The following SCML2 variants were observed in gnomAD, a reference collection of about 807,000 sequenced individuals.
SCML2 encodes the protein Scm polycomb group protein like 2, also known as sex comb on midleg-like protein 2.
SCML2 carries 6 observed loss-of-function variants against 48.4 expected under a neutral mutation model. The observed-to-expected ratio is 0.12, with a 90% CI of 0.07 to 0.24. The LOEUF is 0.24. Ranked by LOEUF, SCML2 falls within the 10% of genes least tolerant of loss-of-function variation. The pLI is 1.00. For synonymous variants in SCML2, 181 were observed against 189.5 expected (o/e 0.95, Z 0.37); for missense variants, 377 against 528.2 (o/e 0.71, Z 2.81).
chrX:18,299,273 G>A (rs780898912), intron 7 of SCML2, among the ~76,000 whole-genome samples: 9 of 111,447 alleles, frequency 8.1e-5, no homozygotes, highest in African/African-American at 2.9e-4. Context: ...CAGCACTTTG[G>A]GAGGCCAAGG....
chrX:18,350,175 G>A (rs1930327956), intron 1 of SCML2, among the ~76,000 whole-genome samples: 1 of 110,236 alleles, frequency 9.1e-6, no homozygotes, highest in South Asian at 3.8e-4. Flanking sequence ...AGCTACTCAG[G>A]GGCTGAGGCA....
intron 8 of SCML2, among the ~76,000 whole-genome samples, chrX:18,262,784 C>T (rs1569141504): frequency 9.2e-6 from 1 of 109,054 alleles, no homozygotes; most frequent in Non-Finnish European, 1.9e-5. Flanking sequence ...ACCATCTCAG[C>T]TCACTGCAAC....
At chrX:18,261,891 C>A (rs1013144480) in intron 8 of SCML2, among the ~76,000 whole-genome samples, 2 of 109,344 alleles carry the variant, frequency 1.8e-5, no homozygotes, top group Non-Finnish European at 3.8e-5. Flanking sequence ...TCATCTGCTA[C>A]CATTTATATT....
At chrX:18,336,167 G>A (rs192096316) in intron 1 of SCML2, among the ~76,000 whole-genome samples, 74 of 111,820 alleles carry the variant, frequency 6.6e-4, no homozygotes, top group Admixed American at 1.2e-3. Flanking sequence ...TCCCATTGGC[G>A]GGCATGGTGG....
intron 7 of SCML2, among the ~76,000 whole-genome samples, chrX:18,271,669 G>A (rs1371065773): frequency 3.9e-5 from 4 of 103,311 alleles, no homozygotes; most frequent in African/African-American, 1.4e-4. Context: ...CCACCCCCCT[G>A]CCCAGTGGAT....
At chrX:18,280,976 T>G (rs991993522) in intron 7 of SCML2, among the ~76,000 whole-genome samples, 1 of 112,722 alleles carries the variant, frequency 8.9e-6, no homozygotes, top group Non-Finnish European at 1.9e-5. Flanking sequence ...ATTCTAGACT[T>G]AAACTCAACA....
chrX:18,327,456 T>C (rs1929518998), intron 3 of SCML2, among the ~76,000 whole-genome samples: 1 of 111,560 alleles, frequency 9.0e-6, no homozygotes, highest in Non-Finnish European at 1.9e-5. Context: ...TGGAGGAAAA[T>C]AGTGTAAGTC....
In SCML2 at chrX:18,305,010, C is replaced by T. The variant is rs775925712; in HGVS notation, c.692G>A (p.Arg231His). 7 of 1,208,492 alleles carry T rather than the reference C, an allele frequency of 5.8e-6. No individual in the cohort carries two copies. The highest frequency in any genetic ancestry group is 3.5e-5 in the African/African-American group (2 of 57,033). The change falls in exon 7 of 15, where the codon CGC becomes CAC. Residue 231 changes from arginine to histidine, a missense_variant. This residue lies in a region of SCML2 where 299 missense variants were observed against 425.5 expected (regional missense o/e 0.70). Transcript: ENST00000251900. The part of the protein sequence containing the change: ...SRDIFPAGWC[R>H]LTGDVLQPPG... ...GGGTTGTAATACATCTCCTGTCAGG[C>T]GACACCACCCAGCTGGGAAAATATC... is the stretch of plus-strand genomic sequence containing the variant.
At chrX:18,335,976 G>A (rs1456984851) in intron 1 of SCML2, among the ~76,000 whole-genome samples, 2 of 111,780 alleles carry the variant, frequency 1.8e-5, no homozygotes, top group Non-Finnish European at 3.8e-5. Context: ...CTTATTTCAA[G>A]ACATAGTATA....
chrX:18,275,913 G>T (rs903120017), intron 7 of SCML2, among the ~76,000 whole-genome samples: 3 of 112,519 alleles, frequency 2.7e-5, no homozygotes, highest in African/African-American at 9.7e-5. Flanking sequence ...TAATAAAAAA[G>T]ATGACAAATA....
intron 7 of SCML2, among the ~76,000 whole-genome samples, chrX:18,285,118 A>G (rs1279368496): frequency 9.0e-6 from 1 of 111,223 alleles, no homozygotes; most frequent in East Asian, 2.8e-4. Flanking sequence ...GGGGACATAA[A>G]TTAGTTCAGC....
intron 7 of SCML2, among the ~76,000 whole-genome samples, chrX:18,300,146 T>A (rs1928536910): frequency 9.0e-6 from 1 of 111,154 alleles, no homozygotes; most frequent in Non-Finnish European, 1.9e-5. Context: ...ACGCTTGTAA[T>A]CCCAGCACTT....
In SCML2 at chrX:18,299,734, CT is replaced by C. The variant is rs145767290; in HGVS notation, c.730+5237del. On this transcript the variant is annotated intron_variant, in intron 7 of 14. Coordinates refer to ENST00000251900, the MANE Select transcript of SCML2 (RefSeq NM_006089.3). ...GCTAGGATGCAGAGAAAAGGGAACTCTTTTTTTTTTTTTTTTAAATAGAGAC... is the reference window on the plus strand; with the variant it reads ...GCTAGGATGCAGAGAAAAGGGAACTCTTTTTTTTTTTTTTTAAATAGAGAC... Among the ~76,000 whole-genome samples, 240 of 96,881 alleles carry C rather than the reference CT, an allele frequency of 2.5e-3. 1 individual carries two copies. In the Middle Eastern group the frequency reaches 0.026, roughly 11 times the overall value. The allele number at this position is 96,881 out of a possible 115,157, so 84.1% of individuals were successfully genotyped here.
At chrX:18,347,193 C>A (rs1930224389) in intron 1 of SCML2, among the ~76,000 whole-genome samples, 1 of 111,220 alleles carries the variant, frequency 9.0e-6, no homozygotes, top group Non-Finnish European at 1.9e-5. Flanking sequence ...GCTTGTAATC[C>A]CAGCACTTTG....
chrX:18,308,739 T>C (rs751880632), intron 6 of SCML2, among the ~76,000 whole-genome samples: 3 of 111,559 alleles, frequency 2.7e-5, no homozygotes, highest in Non-Finnish European at 5.7e-5. Flanking sequence ...AATCAGTATA[T>C]TGAAGAGATA....
At chrX:18,289,290 AT>A (rs767844540) in intron 7 of SCML2, among the ~76,000 whole-genome samples, 2 of 111,807 alleles carry the variant, frequency 1.8e-5, no homozygotes, top group South Asian at 3.7e-4. Context: ...GAAAAAGGAA[AT>A]TTTTTTTCCA....
chrX:18,246,799 T>C lies in SCML2; in HGVS notation c.1600A>G (p.Ile534Val), dbSNP rs1386771539. The C allele has an allele frequency of 1.4e-5, 17 of 1,203,884 alleles. No individual in the cohort carries two copies. In the South Asian group the frequency reaches 2.5e-4, roughly 18 times the overall value. ...GEPLFAGGSAIPKEENLSEDS... is the reference protein window; with the variant it reads ...GEPLFAGGSAVPKEENLSEDS... ...TCTGAAAGATTCTCCTCTTTGGGAA[T>C]GGCACTTCCCCCAGCAAACAATGGT... is the stretch of plus-strand genomic sequence containing the variant. The change falls in exon 13 of 15, where the codon ATT becomes GTT. Residue 534 changes from isoleucine to valine, a missense_variant. Around this residue, in one of 3 missense-constraint regions of SCML2, gnomAD observed 299 missense variants for 425.5 expected, o/e 0.70. Transcript: ENST00000251900.
At chrX:18,306,014 C>G (rs1928744420) in intron 6 of SCML2, among the ~76,000 whole-genome samples, 2 of 111,224 alleles carry the variant, frequency 1.8e-5, no homozygotes, top group Admixed American at 1.9e-4. Flanking sequence ...TCACCTAAGC[C>G]AAAAGACTGG....
At chrX:18,271,710 T>C (rs190757027) in intron 7 of SCML2, among the ~76,000 whole-genome samples, 174 of 108,837 alleles carry the variant, frequency 1.6e-3, no homozygotes, top group Non-Finnish European at 2.4e-3. Flanking sequence ...TCAGACTCCA[T>C]ATATACTATG....
Sources: allele counts gnomAD v4.1 joint callset (sites outside exome capture counted in the v4.1 genomes callset), GRCh38; gene constraint gnomAD v4.1.1; regional missense constraint gnomAD v4.1.1; transcripts MANE v1.5; gene names NCBI Gene and HGNC (gene_info 2026-07-23, HGNC 2026-07-21).